MAN1C1: variants seen among roughly 807,000 people sequenced by gnomAD.
MAN1C1 encodes the protein mannosidase alpha class 1C member 1.
MAN1C1 carries 49 observed loss-of-function variants against 71.5 expected under a neutral mutation model. The ratio of observed to expected loss-of-function variants is 0.69; its 90% CI spans 0.54 to 0.87. The LOEUF is 0.87. Among genes scored for constraint, MAN1C1 ranks in the 40% least tolerant of loss-of-function variants. The pLI, the probability that MAN1C1 is intolerant of heterozygous loss-of-function variation, is 0.00. For synonymous variants in MAN1C1, 352 were observed against 343.7 expected, an observed-to-expected ratio of 1.02 and a Z score of -0.27; for missense variants, 743 against 835.0, an observed-to-expected ratio of 0.89 and a Z score of 1.36.
At position 25,771,873 on chromosome 1, in the gene MAN1C1, A is replaced by C. The variant is rs2047557814; in HGVS notation, c.1257+101A>C. On this transcript the variant is annotated intron_variant, in intron 8 of 11. Coordinates refer to ENST00000374332, the MANE Select transcript of MAN1C1 (RefSeq NM_020379.4). ...GCGGGCAGCGGGGCCAGATGGGCCG[A>C]GACTTGCTCCCACCCCCTGCAATGA... 3.6e-6 allele frequency: 3 copies of C among 841,094 alleles called. No homozygotes were observed. In the South Asian group the frequency reaches 4.5e-5, roughly 13 times the overall value. The allele number at this position is 841,094 out of a possible 1,614,324, so 52.1% of individuals were successfully genotyped here.
intron 7 of MAN1C1, among the ~76,000 whole-genome samples, chr1:25,768,828 TCA>T (rs1047129981): frequency 1.8e-4 from 21 of 119,534 alleles, no homozygotes; most frequent in South Asian, 6.0e-4. Flanking sequence ...CACACTCCCC[TCA>T]CACACACCAC....
chr1:25,656,800 G>A (rs948471735), intron 1 of MAN1C1, among the ~76,000 whole-genome samples: 4 of 151,590 alleles, frequency 2.6e-5, no homozygotes, highest in African/African-American at 9.7e-5. Flanking sequence ...GATGGAGAGA[G>A]AGATGGAAAG....
intron 2 of MAN1C1, among the ~76,000 whole-genome samples, chr1:25,742,377 C>G (rs2047074081): frequency 6.6e-6 from 1 of 152,194 alleles, no homozygotes; most frequent in South Asian, 2.1e-4. Flanking sequence ...ACAACCAGAT[C>G]AGGTAGTGAT....
intron 1 of MAN1C1, among the ~76,000 whole-genome samples, chr1:25,621,104 A>G (rs1469397693): frequency 6.6e-6 from 1 of 152,188 alleles, no homozygotes; most frequent in East Asian, 1.9e-4. Flanking sequence ...GAGGAGAATA[A>G]GCTGGTTATA....
At chr1:25,618,588 C>G (rs2045153553) in intron 1 of MAN1C1, among the ~76,000 whole-genome samples, 2 of 152,226 alleles carry the variant, frequency 1.3e-5, no homozygotes, top group South Asian at 2.1e-4. Flanking sequence ...AACCCCTAGA[C>G]CAACTGCCCC....
intron 1 of MAN1C1, among the ~76,000 whole-genome samples, chr1:25,641,072 G>A (rs868297281): frequency 2.9e-4 from 44 of 152,316 alleles, no homozygotes; most frequent in Admixed American, 2.0e-4. Context: ...TGTATAGCCT[G>A]TAGTCTTTTA....
chr1:25,678,469 T>C (rs2046100231), intron 1 of MAN1C1, among the ~76,000 whole-genome samples: 1 of 152,224 alleles, frequency 6.6e-6, no homozygotes, highest in Admixed American at 6.5e-5. Context: ...TCAAAATCGT[T>C]AAACAGTTTC....
chr1:25,733,148 A>G (rs1411420300), intron 2 of MAN1C1, among the ~76,000 whole-genome samples: 1 of 152,064 alleles, frequency 6.6e-6, no homozygotes, highest in Non-Finnish European at 1.5e-5. Context: ...ACAGCTGGGG[A>G]GCATCTCCAG....
At chr1:25,745,105 T>G (rs575117566) in intron 2 of MAN1C1, among the ~76,000 whole-genome samples, 1 of 152,330 alleles carries the variant, frequency 6.6e-6, no homozygotes, top group African/African-American at 2.4e-5. Flanking sequence ...CTGCACTGAG[T>G]GCAAAAGGCT....
At chr1:25,688,350 G>A (rs1208240588) in intron 2 of MAN1C1, among the ~76,000 whole-genome samples, 5 of 152,220 alleles carry the variant, frequency 3.3e-5, no homozygotes, top group Non-Finnish European at 7.3e-5. Flanking sequence ...CATCAAAGTT[G>A]TGGAGCTTTT....
At chr1:25,671,130 C>G (rs572100715) in intron 1 of MAN1C1, among the ~76,000 whole-genome samples, 1 of 152,172 alleles carries the variant, frequency 6.6e-6, no homozygotes, top group East Asian at 1.9e-4. Context: ...CCACCTGCCT[C>G]GGCCTCCAGA....
chr1:25,750,004 C>G (rs2047192495), intron 4 of MAN1C1, among the ~76,000 whole-genome samples: 1 of 152,328 alleles, frequency 6.6e-6, no homozygotes, highest in Non-Finnish European at 1.5e-5. Context: ...GGGAAGTGCA[C>G]GCTACAGGAA....
chr1:25,714,570 T>C (rs886450936), intron 2 of MAN1C1, among the ~76,000 whole-genome samples: 4 of 146,786 alleles, frequency 2.7e-5, no homozygotes, highest in African/African-American at 1.1e-4. Flanking sequence ...ATAAATGAGG[T>C]GGCTCAGAAA....
intron 1 of MAN1C1, among the ~76,000 whole-genome samples, chr1:25,683,955 C>G (rs890414205): frequency 6.6e-6 from 1 of 152,168 alleles, no homozygotes; most frequent in Non-Finnish European, 1.5e-5. Flanking sequence ...CATTTCCTCC[C>G]TTGGTTTGGA....
At position 25,775,583 on chromosome 1, in the gene MAN1C1, C is replaced by G. The variant is rs1008632433; in HGVS notation, c.1258-2522C>G. The stretch of plus-strand genomic sequence containing the variant: ...GACAGATATACAACAGAAACAGATG[C>G]CAAGTAGGAATGGCACCATGTAGAA... On this transcript the variant is annotated intron_variant, in intron 8 of 11. Transcript: ENST00000374332. The surrounding 1 kb of genome is among the most constrained non-coding windows in gnomAD (Gnocchi z 5.1). 1.3e-5 allele frequency among the ~76,000 whole-genome samples: 2 copies of G among 152,114 alleles called. No individual in the cohort carries two copies. The highest frequency in any genetic ancestry group is 4.8e-5 in the African/African-American group (2 of 41,416).
At chr1:25,762,446 CT>C (rs71014387) in intron 6 of MAN1C1, among the ~76,000 whole-genome samples, 123,686 of 146,504 alleles carry the variant, frequency 0.84, 52,380 homozygotes, top group East Asian at 0.98. Context: ...ATTTTCTTTT[CT>C]TTTTTTTTTT....
In MAN1C1 at chr1:25,723,418, A is replaced by G. The variant is rs553169219; in HGVS notation, c.638-23250A>G. Reference sequence around the variant, plus strand: ...AATCCCAGAGCCTTTGGGGTTTTCTAGCACAAACCTGAGTGCCTGTTTGCT... The same window carrying G: ...AATCCCAGAGCCTTTGGGGTTTTCTGGCACAAACCTGAGTGCCTGTTTGCT... On this transcript the variant is annotated intron_variant, in intron 2 of 11. Coordinates refer to ENST00000374332, the MANE Select transcript of MAN1C1 (RefSeq NM_020379.4). Among the ~76,000 whole-genome samples the G allele has an allele frequency of 2.0e-5, 3 of 152,310 alleles. No homozygotes were observed. In the East Asian group the frequency reaches 5.8e-4, roughly 29 times the overall value.
At chr1:25,757,689 C>T (rs773130800) in intron 5 of MAN1C1, among the ~76,000 whole-genome samples, 5 of 152,204 alleles carry the variant, frequency 3.3e-5, no homozygotes, top group African/African-American at 7.2e-5. Context: ...TCCAGCTGAG[C>T]GACACTTGAA....
chr1:25,619,066 GA>G (rs2045164072), intron 1 of MAN1C1, among the ~76,000 whole-genome samples: 1 of 152,224 alleles, frequency 6.6e-6, no homozygotes, highest in South Asian at 2.1e-4. Context: ...GAGGGATTTA[GA>G]AGGATCACTT....
Sources: gnomAD v4.1 joint callset for allele counts (sites outside exome capture counted in the v4.1 genomes callset) on GRCh38, gnomAD v4.1.1 for gene constraint, Gnocchi (gnomAD v3.1) non-coding constraint, MANE v1.5 for transcripts, NCBI Gene and HGNC (gene_info 2026-07-23, HGNC 2026-07-21) for gene names.